The following WDR25 variants were observed in gnomAD, a reference collection of about 807,000 sequenced individuals.
WDR25 encodes the protein WD repeat domain 25, also known as WD repeat-containing protein 25.
Under a neutral mutation model 47.7 loss-of-function variants are expected in WDR25, and 35 were observed. The ratio of observed to expected loss-of-function variants is 0.73; its 90% CI spans 0.56 to 0.97. WDR25 has a LOEUF of 0.97. Among genes scored for constraint, WDR25 ranks in the 50% least tolerant of loss-of-function variants. The probability of loss-of-function intolerance (pLI) is 0.00; values close to 1 mark genes in which losing one functional copy is unlikely to be tolerated. For missense variants in WDR25, 634 were observed against 704.7 expected (o/e 0.90, Z 1.14); for synonymous variants, 248 against 278.9 (o/e 0.89, Z 1.10).
At chr14:100,504,309 C>T (rs988288614) in intron 4 of WDR25, among the ~76,000 whole-genome samples, 7 of 152,224 alleles carry the variant, frequency 4.6e-5, no homozygotes, top group African/African-American at 1.2e-4. Context: ...AGGACCCTAA[C>T]ATTTGATTTC....
intron 2 of WDR25, among the ~76,000 whole-genome samples, chr14:100,408,777 TG>T (rs1392217714): frequency 6.6e-6 from 1 of 152,248 alleles, no homozygotes; most frequent in African/African-American, 2.4e-5. Context: ...ATCTTTTCTG[TG>T]CCTTGGGTGT....
At chr14:100,411,537 C>CTTT (rs766546637) in intron 2 of WDR25, among the ~76,000 whole-genome samples, 1 of 143,112 alleles carries the variant, frequency 7.0e-6, no homozygotes, top group African/African-American at 2.5e-5. Flanking sequence ...TTGCTTTTTG[C>CTTT]TTTTTTTTTT....
intron 2 of WDR25, among the ~76,000 whole-genome samples, chr14:100,465,843 G>A (rs1899611638): frequency 6.6e-6 from 1 of 152,234 alleles, no homozygotes; most frequent in African/African-American, 2.4e-5. Flanking sequence ...AAGGGTTCCA[G>A]TTTTTCCACA....
intron 4 of WDR25, among the ~76,000 whole-genome samples, chr14:100,494,406 C>T (rs958455398): frequency 6.6e-6 from 1 of 152,220 alleles, no homozygotes; most frequent in Admixed American, 6.5e-5. Flanking sequence ...CTGATAATTC[C>T]GTCATCACTG....
rs547063356 is a variant in WDR25, at chr14:100,448,408, C to T, written c.823-19613C>T. On this transcript the variant is annotated intron_variant, in intron 2 of 6. Coordinates refer to ENST00000402312, the MANE Select transcript of WDR25 (RefSeq NM_001161476.3). ...CTCTGTTCCTTTTCAGCATCTTACCCGTTGCCCAGGGTGGTGACACCTGGG... is the reference window on the plus strand; with the variant it reads ...CTCTGTTCCTTTTCAGCATCTTACCTGTTGCCCAGGGTGGTGACACCTGGG... Among the ~76,000 whole-genome samples, 9 of 152,192 alleles carry T rather than the reference C, an allele frequency of 5.9e-5. No individual in the cohort carries two copies. In the East Asian group the frequency reaches 1.5e-3, roughly 26 times the overall value.
rs571783116 is a variant in WDR25 at position 100,384,840 on chromosome 14, G to A, written c.822+3094G>A. Among the ~76,000 whole-genome samples, 4 of 152,266 alleles carry A rather than the reference G, an allele frequency of 2.6e-5. No individual in the cohort carries two copies. In the East Asian group the frequency reaches 7.7e-4, roughly 29 times the overall value. On this transcript the variant is annotated intron_variant, in intron 2 of 6. Transcript: ENST00000402312. The stretch of plus-strand genomic sequence containing the variant: ...GATCAGGAAGGAGGGAAGAGCTTGG[G>A]GGCTGGGTGACAAGACCTGCTTGGG...
intron 2 of WDR25, 124 bp from the exon 3 acceptor site, chr14:100,467,897 T>G (rs1359597739): frequency 7.9e-7 from 1 of 1,262,156 alleles, no homozygotes; most frequent in Non-Finnish European, 1.1e-6. Flanking sequence ...AGATATAGAT[T>G]TGATGGTAAA....
In WDR25 at chr14:100,376,995, G is replaced by T. The variant is rs149826330; in HGVS notation, c.-16+500G>T. 1.3e-3 allele frequency among the ~76,000 whole-genome samples: 191 copies of T among 152,274 alleles called. 1 individual carries two copies. Among genetic ancestry groups the T allele is most frequent in the African/African-American group, 4.6e-3 (191 of 41,550 alleles). ...CTGATAGTGACTGTCAGAGTCACTCGCTCCTTCCTTAGACTCTTCTCCAGT... is the reference window on the plus strand; with the variant it reads ...CTGATAGTGACTGTCAGAGTCACTCTCTCCTTCCTTAGACTCTTCTCCAGT... On this transcript the variant is annotated intron_variant, in intron 1 of 6. Transcript: ENST00000402312.
intron 2 of WDR25, among the ~76,000 whole-genome samples, chr14:100,446,181 C>T (rs1336213606): frequency 1.3e-5 from 2 of 152,192 alleles, no homozygotes; most frequent in African/African-American, 4.8e-5. Context: ...TTGTGAGCTC[C>T]TGCCCCTGGG....
At chr14:100,385,928 A>T (rs1897010072) in intron 2 of WDR25, among the ~76,000 whole-genome samples, 2 of 152,336 alleles carry the variant, frequency 1.3e-5, no homozygotes. Context: ...TCCCATGTAC[A>T]GAACCCTCTG....
chr14:100,409,694 T>C (rs546193811), intron 2 of WDR25, among the ~76,000 whole-genome samples: 1 of 152,316 alleles, frequency 6.6e-6, no homozygotes, highest in East Asian at 1.9e-4. Context: ...CCCTTTAAAT[T>C]GAATTTGAAG....
intron 2 of WDR25, among the ~76,000 whole-genome samples, chr14:100,410,870 C>T (rs1030570614): frequency 6.6e-6 from 1 of 151,344 alleles, no homozygotes; most frequent in African/African-American, 2.4e-5. Flanking sequence ...GCAGTCTCTA[C>T]CTCCTGGGCT....
intron 3 of WDR25, among the ~76,000 whole-genome samples, chr14:100,478,657 A>G (rs914125788): frequency 6.6e-6 from 1 of 152,232 alleles, no homozygotes; most frequent in Non-Finnish European, 1.5e-5. Context: ...TATCTTCTAA[A>G]TGGAAATACT....
At position 100,506,857 on chromosome 14, in the gene WDR25, G is replaced by C. The variant is rs918352764; in HGVS notation, c.1102-19013G>C. On this transcript the variant is annotated intron_variant, in intron 4 of 6. Transcript: ENST00000402312. This position sits in a 1 kb window ranked among gnomAD's most constrained non-coding sequence, Gnocchi z 4.8. The stretch of plus-strand genomic sequence containing the variant: ...AGTTTGCAAATATTTCTCCTATTCT[G>C]TAGGTTGTCTGTTTACTCTCTGGAT... 1.3e-5 allele frequency among the ~76,000 whole-genome samples: 2 copies of C among 152,106 alleles called. No individual in the cohort carries two copies. Among genetic ancestry groups the C allele is most frequent in the African/African-American group, 4.8e-5 (2 of 41,412 alleles).
chr14:100,464,584 GGA>G (rs10567106), intron 2 of WDR25, among the ~76,000 whole-genome samples: 40,477 of 148,128 alleles, frequency 0.27, 6,073 homozygotes, highest in African/African-American at 0.36. Context: ...TGTTTTCTTC[GGA>G]GAGCATTTTC....
At chr14:100,489,289 C>T (rs186932866) in intron 4 of WDR25, among the ~76,000 whole-genome samples, 13 of 152,258 alleles carry the variant, frequency 8.5e-5, no homozygotes, top group African/African-American at 2.2e-4. Context: ...TCCAGCTTTG[C>T]GGTGCTGTGG....
intron 2 of WDR25, among the ~76,000 whole-genome samples, chr14:100,418,078 A>T (rs1897919324): frequency 1.3e-5 from 2 of 151,608 alleles, no homozygotes; most frequent in Admixed American, 6.6e-5. Context: ...AGTAGCTGGG[A>T]TTACAGGCAC....
chr14:100,529,087 G>T lies in WDR25; in HGVS notation c.1292G>T (p.Ser431Ile), dbSNP rs778564456. 6.4e-6 allele frequency: 10 copies of T among 1,559,986 alleles called. No homozygotes were observed. The highest frequency in any genetic ancestry group is 6.1e-6 in the Non-Finnish European group (7 of 1,146,056). Reference protein sequence around the residue: ...QIFHERFTCPSLALHPREPVF... With the variant: ...QIFHERFTCPILALHPREPVF... Reference sequence around the variant, plus strand: ...TCTCAGGAGAGGTTCACCTGCCCCAGCCTCGCCTTGCACCCGAGAGAGCCC... The same window carrying T: ...TCTCAGGAGAGGTTCACCTGCCCCATCCTCGCCTTGCACCCGAGAGAGCCC... The change falls in exon 6 of 7, where the codon AGC (serine) becomes ATC (isoleucine). Residue 431 changes from serine to isoleucine, a missense_variant. Ser to Ile is a moderately radical substitution (Grantham distance 142). Coordinates refer to ENST00000402312, the MANE Select transcript of WDR25 (RefSeq NM_001161476.3). This position sits in a 1 kb window ranked among gnomAD's most constrained non-coding sequence, Gnocchi z 5.1.
chr14:100,480,536 G>A (rs1429438148), intron 3 of WDR25, among the ~76,000 whole-genome samples: 2 of 152,176 alleles, frequency 1.3e-5, no homozygotes, highest in East Asian at 3.8e-4. Flanking sequence ...GGGTGAAAGA[G>A]TAACTACTTT....
Sources: gnomAD v4.1 joint callset for allele counts (sites outside exome capture counted in the v4.1 genomes callset) on GRCh38, gnomAD v4.1.1 for gene constraint, Gnocchi (gnomAD v3.1) non-coding constraint, MANE v1.5 for transcripts, NCBI Gene and HGNC (gene_info 2026-07-23, HGNC 2026-07-21) for gene names.